CPEB1: variants seen among roughly 807,000 people sequenced by gnomAD.
The protein encoded by CPEB1 is cytoplasmic polyadenylation element binding protein 1, also known as cytoplasmic polyadenylation element-binding protein 1.
A neutral mutation model predicts 65.8 loss-of-function variants in CPEB1; 7 were observed. That is an observed-to-expected ratio of 0.11 (90% CI 0.06 to 0.20). The LOEUF (loss-of-function observed/expected upper bound fraction) is 0.20. Among genes scored for constraint, CPEB1 ranks in the 10% least tolerant of loss-of-function variants. CPEB1 has a pLI of 1.00. For synonymous variants in CPEB1, 262 were observed against 260.0 expected (o/e 1.01, Z -0.08); for missense variants, 551 against 712.2 (o/e 0.77, Z 2.58).
At chr15:82,604,271 C>G (rs2043368653) in intron 3 of CPEB1, among the ~76,000 whole-genome samples, 1 of 152,096 alleles carries the variant, frequency 6.6e-6, no homozygotes, top group African/African-American at 2.4e-5. Flanking sequence ...ATCACAAGGT[C>G]AGGAGATTGA....
intron 3 of CPEB1, among the ~76,000 whole-genome samples, chr15:82,606,514 A>C (rs2151218480): frequency 7.2e-6 from 1 of 139,532 alleles, no homozygotes; most frequent in Non-Finnish European, 1.5e-5. Flanking sequence ...GCGCTAAGAA[A>C]ATAACTTAAA....
chr15:82,647,736 G>T, upstream of CPEB1: 3 of 923,216 alleles, frequency 3.2e-6, no homozygotes, highest in South Asian at 5.0e-5. Flanking sequence ...CCCCGCCCGG[G>T]ACTCGCCCGC....
intron 1 of CPEB1, among the ~76,000 whole-genome samples, chr15:82,632,069 C>A (rs1263014432): frequency 6.7e-6 from 1 of 149,458 alleles, no homozygotes; most frequent in Non-Finnish European, 1.5e-5. Flanking sequence ...GCAAGCTCCG[C>A]CTCCCGGGTT....
chr15:82,589,012 C>A (rs370232077), intron 3 of CPEB1, among the ~76,000 whole-genome samples: 6 of 152,214 alleles, frequency 3.9e-5, no homozygotes, highest in Non-Finnish European at 8.8e-5. Flanking sequence ...CTCTCTCCCC[C>A]ATTCCCCGCA....
In CPEB1 at chr15:82,625,939, C is replaced by T. The variant is rs545749304; in HGVS notation, c.271+1254G>A. On this transcript the variant is annotated intron_variant, in intron 3 of 12. Coordinates refer to ENST00000684509, the MANE Select transcript of CPEB1 (RefSeq NM_001365242.1). ...TTTGAGACCAGCCTGGCCAACATGG[C>T]GAAACCCCATCTCTACTAAAAATAC... 9.7e-4 allele frequency among the ~76,000 whole-genome samples: 145 copies of T among 149,600 alleles called. 3 individuals are homozygous for T. In the South Asian group the frequency reaches 0.029, roughly 30 times the overall value.
chr15:82,557,467 C>G (rs2037422353), intron 5 of CPEB1: 1 of 372,446 alleles, frequency 2.7e-6, no homozygotes, highest in Non-Finnish European at 4.8e-6. Context: ...CCAGGGCCCT[C>G]ACGTTTACTT....
At chr15:82,575,304 T>C in intron 3 of CPEB1, among the ~76,000 whole-genome samples, 1 of 152,098 alleles carries the variant, frequency 6.6e-6, no homozygotes, top group Non-Finnish European at 1.5e-5. Context: ...TATACAAACA[T>C]TAATTTAGTA....
intron 5 of CPEB1, 119 bp downstream of exon 5, chr15:82,557,641 C>T: frequency 1.3e-6 from 1 of 796,238 alleles, no homozygotes; most frequent in East Asian, 2.5e-5. Flanking sequence ...CTCCCCTCAT[C>T]CCATCTCCCA....
At chr15:82,618,865 T>C (rs1173174854) in intron 3 of CPEB1, among the ~76,000 whole-genome samples, 3 of 152,202 alleles carry the variant, frequency 2.0e-5, no homozygotes, top group Admixed American at 2.0e-4. Flanking sequence ...TGTCAACATA[T>C]CCATTATCCA....
chr15:82,591,648 T>C (rs1262465011), intron 3 of CPEB1, among the ~76,000 whole-genome samples: 1 of 152,142 alleles, frequency 6.6e-6, no homozygotes, highest in East Asian at 1.9e-4. Flanking sequence ...TTGAAAAGTG[T>C]CTATTCATGT....
chr15:82,568,395 G>T (rs1024685231), intron 4 of CPEB1, among the ~76,000 whole-genome samples: 1 of 152,120 alleles, frequency 6.6e-6, no homozygotes, highest in African/African-American at 2.4e-5. Flanking sequence ...TAGCACTGGG[G>T]TATGAGAAAA....
At chr15:82,638,452 T>G (rs1263960490) in intron 1 of CPEB1, 1 of 152,272 alleles carries the variant, frequency 6.6e-6, no homozygotes, top group East Asian at 1.9e-4. Flanking sequence ...AGTGTCAAGC[T>G]CATGTGGTGG....
At chr15:82,632,262 G>A (rs879548927) in intron 1 of CPEB1, among the ~76,000 whole-genome samples, 7 of 151,846 alleles carry the variant, frequency 4.6e-5, no homozygotes, top group Admixed American at 2.0e-4. Flanking sequence ...GATTACAGGC[G>A]TGAGCCACTG....
At chr15:82,609,094 A>T (rs930924680) in intron 3 of CPEB1, among the ~76,000 whole-genome samples, 1 of 152,248 alleles carries the variant, frequency 6.6e-6, no homozygotes, top group African/African-American at 2.4e-5. Flanking sequence ...TCATCAATGG[A>T]TCGAAGAAGA....
chr15:82,579,857 A>G (rs1006710965), intron 3 of CPEB1, among the ~76,000 whole-genome samples: 12 of 125,706 alleles, frequency 9.5e-5, no homozygotes, highest in African/African-American at 3.6e-4. Context: ...GCTTGCAGTG[A>G]GCCGACATTG....
intron 3 of CPEB1, among the ~76,000 whole-genome samples, chr15:82,592,857 C>A (rs2042370560): frequency 6.6e-6 from 1 of 151,778 alleles, no homozygotes; most frequent in Non-Finnish European, 1.5e-5. Flanking sequence ...ATTAGCCGGG[C>A]ATGGTGGCAC....
At chr15:82,626,364 T>C (rs2045774665) in intron 3 of CPEB1, among the ~76,000 whole-genome samples, 4 of 148,304 alleles carry the variant, frequency 2.7e-5, no homozygotes. Flanking sequence ...AACCAGGGAG[T>C]TGGAGGTTGC....
intron 1 of CPEB1, among the ~76,000 whole-genome samples, chr15:82,632,729 A>G (rs907958195): frequency 6.6e-6 from 1 of 150,514 alleles, no homozygotes; most frequent in African/African-American, 2.5e-5. Flanking sequence ...AGGTCTCGCT[A>G]TGTTGTCCAG....
Position 82,571,241 on chromosome 15 carries a change from G to A in CPEB1, c.460+103C>T, listed in dbSNP as rs113208087. ...CTCCATGTTGTATGTGTGTATGGTGGGGAGTGATGCAAAGGGGAACAGAAC... is the reference window on the plus strand; with the variant it reads ...CTCCATGTTGTATGTGTGTATGGTGAGGAGTGATGCAAAGGGGAACAGAAC... On this transcript the variant is annotated intron_variant, in intron 4 of 12. Coordinates refer to ENST00000684509, the MANE Select transcript of CPEB1 (RefSeq NM_001365242.1). 2.5e-5 allele frequency: 35 copies of A among 1,412,222 alleles called. No homozygotes were observed. The African/African-American group carries it at 4.2e-4, about 17-fold the overall frequency. 87.5% of individuals were successfully genotyped at this position (1,412,222 alleles called of 1,614,324 possible). A position where few individuals can be genotyped will look rare whatever the true frequency, so the allele number is the denominator to read the frequency against.
Sources: allele counts gnomAD v4.1 joint callset (sites outside exome capture counted in the v4.1 genomes callset), GRCh38; gene constraint gnomAD v4.1.1; transcripts MANE v1.5; gene names NCBI Gene and HGNC (gene_info 2026-07-23, HGNC 2026-07-21).